The following CNTN3 variants were observed in gnomAD, a reference collection of about 807,000 sequenced individuals.
CNTN3 encodes the protein contactin-3.
Under a neutral mutation model 119.1 loss-of-function variants are expected in CNTN3, and 60 were observed. The observed-to-expected ratio is 0.50, with a 90% CI of 0.41 to 0.62. CNTN3 has a LOEUF of 0.62. CNTN3 is among the 20% of genes least tolerant of loss of function. CNTN3 has a pLI of 0.00. For missense variants in CNTN3, 1,101 were observed against 1,242.4 expected, an observed-to-expected ratio of 0.89 and a Z score of 1.71; for synonymous variants, 450 against 438.7, an observed-to-expected ratio of 1.03 and a Z score of -0.32.
chr3:74,446,527 T>A (rs1188757408), intron 4 of CNTN3, among the ~76,000 whole-genome samples: 2 of 152,148 alleles, frequency 1.3e-5, no homozygotes, highest in African/African-American at 4.8e-5. Context: ...CAGTGACATG[T>A]AGCAGTCTGG....
chr3:74,353,734 G>T (rs984868449), intron 11 of CNTN3, among the ~76,000 whole-genome samples: 1 of 151,728 alleles, frequency 6.6e-6, no homozygotes, highest in African/African-American at 2.4e-5. Context: ...CCAGCCTGGG[G>T]GACAGAGCGA....
intron 2 of CNTN3, among the ~76,000 whole-genome samples, chr3:74,500,291 T>C (rs1030502123): frequency 2.6e-5 from 4 of 152,004 alleles, no homozygotes; most frequent in Non-Finnish European, 5.9e-5. Context: ...AAGAGAAAGA[T>C]ACAGCACTGA....
chr3:74,384,051 C>A (rs924517809), intron 5 of CNTN3, among the ~76,000 whole-genome samples: 1 of 152,164 alleles, frequency 6.6e-6, no homozygotes, highest in African/African-American at 2.4e-5. Context: ...TCAAGCCAAA[C>A]TGAATATTTA....
intron 5 of CNTN3, among the ~76,000 whole-genome samples, chr3:74,420,358 A>G (rs139820025): frequency 1.5e-3 from 234 of 152,350 alleles, no homozygotes; most frequent in African/African-American, 5.4e-3. Flanking sequence ...TGATTAACAT[A>G]TGCAGTTTCC....
chr3:74,436,128 G>A (rs1194854666), intron 4 of CNTN3, among the ~76,000 whole-genome samples: 3 of 152,288 alleles, frequency 2.0e-5, no homozygotes, highest in Non-Finnish European at 4.4e-5. Flanking sequence ...TTGGACAAGC[G>A]AGCGTACTCT....
At chr3:74,342,652 C>T (rs570665118) in intron 11 of CNTN3, among the ~76,000 whole-genome samples, 4 of 152,292 alleles carry the variant, frequency 2.6e-5, no homozygotes, top group East Asian at 3.9e-4. Context: ...AATAAAGGAA[C>T]ATTTTCACTT....
intron 5 of CNTN3, among the ~76,000 whole-genome samples, chr3:74,407,101 G>A (rs981543816): frequency 1.8e-4 from 27 of 152,054 alleles, no homozygotes; most frequent in Non-Finnish European, 3.5e-4. Context: ...GATGTTGGAT[G>A]TTAAGTTTTA....
At chr3:74,467,813 A>C (rs1702492269) in intron 4 of CNTN3, among the ~76,000 whole-genome samples, 1 of 152,206 alleles carries the variant, frequency 6.6e-6, no homozygotes. Context: ...AAGTGACAGA[A>C]AAAATCCCAA....
At chr3:74,470,671 CTT>C (rs569118326) in intron 4 of CNTN3, among the ~76,000 whole-genome samples, 12 of 152,080 alleles carry the variant, frequency 7.9e-5, no homozygotes, top group Non-Finnish European at 1.8e-4. Context: ...GGAATAGAAA[CTT>C]TTCAGGTTAC....
chr3:74,561,753 C>T (rs1704157427), intron 1 of CNTN3, among the ~76,000 whole-genome samples: 1 of 152,126 alleles, frequency 6.6e-6, no homozygotes, highest in Non-Finnish European at 1.5e-5. Context: ...AGAGACTGAG[C>T]CTGTGTACCA....
chr3:74,487,610 G>C (rs1355555941), intron 3 of CNTN3, among the ~76,000 whole-genome samples: 1 of 152,146 alleles, frequency 6.6e-6, no homozygotes, highest in Admixed American at 6.5e-5. Flanking sequence ...CTATTAATTG[G>C]TGGGATCAGG....
chr3:74,399,927 G>A (rs1559582466), intron 5 of CNTN3, among the ~76,000 whole-genome samples: 1 of 152,086 alleles, frequency 6.6e-6, no homozygotes, highest in Non-Finnish European at 1.5e-5. Flanking sequence ...TAGACTATGA[G>A]CAACATGAAG....
intron 4 of CNTN3, among the ~76,000 whole-genome samples, chr3:74,474,608 C>T (rs1702620795): frequency 6.6e-6 from 1 of 152,070 alleles, no homozygotes; most frequent in Non-Finnish European, 1.5e-5. Context: ...ATTTTCCTCC[C>T]TCAGCCTCCC....
intron 1 of CNTN3, among the ~76,000 whole-genome samples, chr3:74,613,381 C>T (rs933793313): frequency 2.0e-5 from 3 of 151,890 alleles, no homozygotes; most frequent in African/African-American, 7.3e-5. Flanking sequence ...CACATCACGC[C>T]CTCCTTGTCT....
chr3:74,297,622 A>G (rs1295752571), intron 18 of CNTN3, among the ~76,000 whole-genome samples: 1 of 152,144 alleles, frequency 6.6e-6, no homozygotes, highest in African/African-American at 2.4e-5. Context: ...GAGAGATTTA[A>G]CCTTTTATCT....
At chr3:74,407,743 G>C (rs897507056) in intron 5 of CNTN3, among the ~76,000 whole-genome samples, 2 of 151,990 alleles carry the variant, frequency 1.3e-5, no homozygotes, top group Non-Finnish European at 2.9e-5. Context: ...ATATATCAAT[G>C]TAGCAAAATT....
At chr3:74,337,659 G>A (rs1257955881) in intron 11 of CNTN3, among the ~76,000 whole-genome samples, 2 of 152,004 alleles carry the variant, frequency 1.3e-5, no homozygotes, top group Non-Finnish European at 2.9e-5. Flanking sequence ...TGGGGAAACC[G>A]CCCCCGTGAT....
chr3:74,606,971 A>C (rs1705003194), intron 1 of CNTN3, among the ~76,000 whole-genome samples: 1 of 152,166 alleles, frequency 6.6e-6, no homozygotes, highest in African/African-American at 2.4e-5. Context: ...AAAAAAATTT[A>C]TGTACTCCAA....
At chr3:74,597,680 C>T (rs1374871) in intron 1 of CNTN3, among the ~76,000 whole-genome samples, 22,310 of 151,968 alleles carry the variant, frequency 0.15, 3,621 homozygotes, top group African/African-American at 0.4. Context: ...AACATCATCA[C>T]AACATATTTA....
Sources: allele counts gnomAD v4.1 joint callset (sites outside exome capture counted in the v4.1 genomes callset), GRCh38; gene constraint gnomAD v4.1.1; transcripts MANE v1.5; gene names NCBI Gene and HGNC (gene_info 2026-07-23, HGNC 2026-07-21).